UNC79: variants seen among roughly 807,000 people sequenced by gnomAD.
UNC79 encodes the protein protein unc-79 homolog.
UNC79 carries 37 observed loss-of-function variants against 283.1 expected under a neutral mutation model. That is an observed-to-expected ratio of 0.13 (90% CI 0.10 to 0.17). The LOEUF (loss-of-function observed/expected upper bound fraction) is 0.17, where lower values mean the gene tolerates loss of function less well. UNC79 is among the 10% of genes least tolerant of loss of function. The pLI, the probability that UNC79 is intolerant of heterozygous loss-of-function variation, is 1.00. For missense variants in UNC79, 2,272 were observed against 3,211.1 expected (o/e 0.71, Z 7.07); for synonymous variants, 1,107 against 1,200.2 (o/e 0.92, Z 1.61).
chr14:93,706,640 G>A, intron 48 of UNC79, 64 bp from the exon 52 acceptor site: 2 of 1,591,542 alleles, frequency 1.3e-6, no homozygotes, highest in African/African-American at 1.3e-5. Flanking sequence ...AGCCGCCCGG[G>A]TCGACACTCC....
At chr14:93,669,606 T>C (rs1377262928) in intron 40 of UNC79, among the ~76,000 whole-genome samples, 1 of 152,158 alleles carries the variant, frequency 6.6e-6, no homozygotes, top group Non-Finnish European at 1.5e-5. Flanking sequence ...GGTAGCCCAA[T>C]GTAAAATATT....
upstream of UNC79, among the ~76,000 whole-genome samples, chr14:93,428,308 A>T (rs1234818391): frequency 1.3e-5 from 2 of 152,224 alleles, no homozygotes; most frequent in Non-Finnish European, 2.9e-5. Flanking sequence ...GGGAAAAAGA[A>T]GATAATTAAA....
intron 1 of UNC79, among the ~76,000 whole-genome samples, chr14:93,410,398 T>C (rs956961931): frequency 5.3e-5 from 8 of 152,118 alleles, no homozygotes; most frequent in Non-Finnish European, 1.5e-5. Flanking sequence ...TACAAGGAAC[T>C]CCTGGGTGAG....
chr14:93,498,772 TTATG>T (rs2059147555), intron 7 of UNC79, among the ~76,000 whole-genome samples: 1 of 152,068 alleles, frequency 6.6e-6, no homozygotes, highest in African/African-American at 2.4e-5. Flanking sequence ...AGGAGGTTGT[TTATG>T]TATATATATT....
intron 26 of UNC79, among the ~76,000 whole-genome samples, chr14:93,606,804 A>G (rs1365631770): frequency 6.6e-6 from 1 of 152,232 alleles, no homozygotes; most frequent in Non-Finnish European, 1.5e-5. Context: ...ATACTCTGCA[A>G]GGTTTGCAGA....
At chr14:93,635,246 G>A (rs1220819166) in intron 31 of UNC79, among the ~76,000 whole-genome samples, 2 of 152,090 alleles carry the variant, frequency 1.3e-5, no homozygotes, top group African/African-American at 4.8e-5. Context: ...TTGTTACCAC[G>A]TTTTGTACGT....
intron 11 of UNC79, among the ~76,000 whole-genome samples, chr14:93,535,632 C>T (rs201672136): frequency 2.6e-5 from 4 of 152,048 alleles, no homozygotes; most frequent in African/African-American, 7.2e-5. Context: ...CTAGATCATA[C>T]GTTTGGGCTC....
chr14:93,424,747 G>A (rs938680656), intron 1 of UNC79, among the ~76,000 whole-genome samples: 1 of 151,746 alleles, frequency 6.6e-6, no homozygotes, highest in African/African-American at 2.4e-5. Flanking sequence ...ATGGGGGAGG[G>A]TTAATGGGTA....
At chr14:93,569,509 A>G (rs2063095330) in intron 14 of UNC79, among the ~76,000 whole-genome samples, 1 of 152,230 alleles carries the variant, frequency 6.6e-6, no homozygotes. Context: ...ATGGTAGAAG[A>G]TTTACATCTG....
At chr14:93,500,154 A>G (rs1419306825) in intron 7 of UNC79, among the ~76,000 whole-genome samples, 1 of 152,164 alleles carries the variant, frequency 6.6e-6, no homozygotes, top group Admixed American at 6.5e-5. Context: ...ACTGACAGCC[A>G]CTTCCACCCA....
In UNC79 at chr14:93,363,150, A is replaced by G. The variant is rs766619609; in HGVS notation, c.-351+29627A>G. On this transcript the variant is annotated intron_variant, in intron 1 of 49. Transcript: ENST00000256339. Reference sequence around the variant, plus strand: ...CTGCTTTAGCTGTGTCCCAAATATTATAGTATGTTGTATCTTTGTTTTCAT... The same window carrying G: ...CTGCTTTAGCTGTGTCCCAAATATTGTAGTATGTTGTATCTTTGTTTTCAT... Among the ~76,000 whole-genome samples, 6 of 152,074 alleles carry G rather than the reference A, an allele frequency of 3.9e-5. No individual in the cohort carries two copies. In the South Asian group the frequency reaches 6.2e-4, roughly 16 times the overall value.
chr14:93,476,429 T>A (rs2057804549), intron 3 of UNC79, among the ~76,000 whole-genome samples: 2 of 152,198 alleles, frequency 1.3e-5, no homozygotes, highest in African/African-American at 4.8e-5. Flanking sequence ...ACAGCTTCGG[T>A]TAATTCTTAG....
chr14:93,358,807 CT>C (rs2054161874), intron 1 of UNC79, among the ~76,000 whole-genome samples: 1 of 152,190 alleles, frequency 6.6e-6, no homozygotes, highest in South Asian at 2.1e-4. Context: ...ATGGCCTCCC[CT>C]GTGTCAGTTG....
chr14:93,591,150 C>A (rs1243613436), intron 22 of UNC79, among the ~76,000 whole-genome samples: 1 of 152,170 alleles, frequency 6.6e-6, no homozygotes, highest in Non-Finnish European at 1.5e-5. Flanking sequence ...AAAATCACTC[C>A]TTTTCATTCT....
At chr14:93,612,834 C>T (rs910252263) in exon 27 of UNC79, 3 of 1,613,972 alleles carry the variant, frequency 1.9e-6, no homozygotes, top group Admixed American at 1.7e-5. Flanking sequence ...CCATCAAGGA[C>T]CTGCTCCCAG....
intron 1 of UNC79, among the ~76,000 whole-genome samples, chr14:93,451,545 C>T (rs768471181): frequency 6.6e-6 from 1 of 152,192 alleles, no homozygotes; most frequent in Non-Finnish European, 1.5e-5. Flanking sequence ...CTCTGCCATT[C>T]CGGAGACCCT....
rs574395696 is a variant in UNC79, at chr14:93,384,066, G to T, written c.-351+50543G>T. On this transcript the variant is annotated intron_variant, in intron 1 of 49. Coordinates refer to the UNC79 transcript ENST00000256339. The stretch of plus-strand genomic sequence containing the variant: ...CCCAGTCTTGGGTATGCATTTATCA[G>T]CAGCATGAAAATGGACTAATACAAT... Among the ~76,000 whole-genome samples, 9 of 152,292 alleles carry T rather than the reference G, an allele frequency of 5.9e-5. No individual in the cohort carries two copies. In the East Asian group the frequency reaches 1.5e-3, roughly 26 times the overall value.
intron 5 of UNC79, among the ~76,000 whole-genome samples, chr14:93,493,890 TATATATA>T (rs1416325668): frequency 5.6e-5 from 4 of 70,832 alleles, no homozygotes; most frequent in African/African-American, 1.0e-4. Context: ...TATATATATA[TATATATA>T]TATATTTTTT....
At chr14:93,361,637 AAG>A (rs2139943219) in intron 1 of UNC79, among the ~76,000 whole-genome samples, 1 of 152,268 alleles carries the variant, frequency 6.6e-6, no homozygotes, top group East Asian at 1.9e-4. Context: ...CATATCTACA[AAG>A]AGAGATAGCT....
Sources: allele counts gnomAD v4.1 joint callset (sites outside exome capture counted in the v4.1 genomes callset), GRCh38; gene constraint gnomAD v4.1.1; transcripts MANE v1.5; gene names NCBI Gene and HGNC (gene_info 2026-07-23, HGNC 2026-07-21).